The following JMJD1C variants were observed in gnomAD, a reference collection of about 807,000 sequenced individuals.
JMJD1C encodes the protein jumonji domain containing 1C, also known as jumonji domain-containing protein 1C.
Under a neutral mutation model 245.3 loss-of-function variants are expected in JMJD1C, and 31 were observed. That is an observed-to-expected ratio of 0.13 (90% CI 0.09 to 0.17). The LOEUF (loss-of-function observed/expected upper bound fraction) is 0.17, where lower values mean the gene tolerates loss of function less well. Among genes scored for constraint, JMJD1C ranks in the 10% least tolerant of loss-of-function variants. JMJD1C has a pLI of 1.00. For synonymous variants in JMJD1C, 1,057 were observed against 1,017.4 expected (o/e 1.04, Z -0.74); for missense variants, 2,691 against 3,000.2 (o/e 0.90, Z 2.41).
intron 2 of JMJD1C, among the ~76,000 whole-genome samples, chr10:63,377,978 T>C (rs6479898): frequency 0.14 from 20,248 of 148,102 alleles, 3,198 homozygotes; most frequent in African/African-American, 0.39. Context: ...TCAAAAATTA[T>C]ATATATTAGT....
intron 13 of JMJD1C, among the ~76,000 whole-genome samples, chr10:63,195,002 C>T (rs1410531286): frequency 2.6e-5 from 4 of 152,164 alleles, no homozygotes; most frequent in Non-Finnish European, 5.9e-5. Flanking sequence ...CAGACAGCTA[C>T]TTACGACGTG....
intron 2 of JMJD1C, among the ~76,000 whole-genome samples, chr10:63,315,093 A>G (rs1939791717): frequency 6.6e-6 from 1 of 151,812 alleles, no homozygotes; most frequent in African/African-American, 2.4e-5. Context: ...AGCTGGGATT[A>G]CAGGTGCGTG....
intron 1 of JMJD1C, among the ~76,000 whole-genome samples, chr10:63,507,409 T>C (rs1260561267): frequency 6.6e-6 from 1 of 151,938 alleles, no homozygotes; most frequent in African/African-American, 2.4e-5. Flanking sequence ...TTTGGGAGGC[T>C]GAGGCGGGGG....
intron 3 of JMJD1C, among the ~76,000 whole-genome samples, chr10:63,237,373 G>T (rs1362727175): frequency 6.6e-6 from 1 of 152,086 alleles, no homozygotes; most frequent in African/African-American, 2.4e-5. Context: ...AATATACAGT[G>T]CAATGAATGT....
At chr10:63,235,623 A>G (rs577145204) in intron 3 of JMJD1C, among the ~76,000 whole-genome samples, 3 of 152,256 alleles carry the variant, frequency 2.0e-5, no homozygotes, top group Non-Finnish European at 2.9e-5. Context: ...CTGTAAATTA[A>G]AAGATTTTTT....
intron 2 of JMJD1C, among the ~76,000 whole-genome samples, chr10:63,267,841 G>C (rs1855787753): frequency 6.6e-6 from 1 of 152,006 alleles, no homozygotes; most frequent in Admixed American, 6.6e-5. Flanking sequence ...TTCTAGTAGG[G>C]CCTACCAAAC....
chr10:63,380,411 A>T lies in JMJD1C; in HGVS notation c.240T>A (p.Thr80=). ...AGATTAAGTGGTATTCCACCAAGAA[A>T]GTTGAAAAATCTTCATAAACTTTAA... ...EWVKVYEDFS[T]FLVEYHLIWA... is the part of the protein sequence containing the mutation. The change falls in exon 2 of 26, where the codon ACT becomes ACA. Residue 80 remains threonine, a synonymous_variant. Transcript: ENST00000399262. The T allele has an allele frequency of 1.2e-6, 2 of 1,614,076 alleles. No individual in the cohort carries two copies. The highest frequency in any genetic ancestry group is 2.2e-5 in the East Asian group (1 of 44,876).
intron 2 of JMJD1C, among the ~76,000 whole-genome samples, chr10:63,321,209 T>G (rs1023723476): frequency 2.0e-5 from 3 of 152,262 alleles, no homozygotes; most frequent in African/African-American, 2.4e-5. Flanking sequence ...TAAAATATTC[T>G]TTGTAATAAA....
intron 1 of JMJD1C, among the ~76,000 whole-genome samples, chr10:63,396,645 A>C (rs1948507777): frequency 6.6e-6 from 1 of 152,178 alleles, no homozygotes; most frequent in Non-Finnish European, 1.5e-5. Context: ...GTCCCAGAAA[A>C]GTTTAGGATA....
At chr10:63,331,598 G>A (rs1194762818) in intron 2 of JMJD1C, among the ~76,000 whole-genome samples, 1 of 152,104 alleles carries the variant, frequency 6.6e-6, no homozygotes, top group Non-Finnish European at 1.5e-5. Flanking sequence ...GAATGTCAGA[G>A]AAGTTCAACA....
At position 63,213,918 on chromosome 10, in the gene JMJD1C, T is replaced by C; in HGVS notation, c.2249A>G (p.Asn750Ser). 1 of 1,614,098 alleles carries C rather than the reference T, an allele frequency of 6.2e-7. No homozygotes were observed. ...TAAGGCAGGATGATGGGTACCTGGA[T>C]TTAAACAGGTTCTATGAGATGAGGA... ...LHSSSHRTCL[N>S]PGTHHPALTP... Residue 750 changes from asparagine (N) to serine (S), a missense_variant, in exon 8 of 26, where the codon AAT becomes AGT. Physicochemically the swap from Asn to Ser is conservative, Grantham distance 46. This residue lies in a region of JMJD1C where 1,562 missense variants were observed against 1,490.7 expected (regional missense o/e 1.05). Transcript: ENST00000399262.
chr10:63,275,499 AG>A (rs1856694117), intron 2 of JMJD1C, among the ~76,000 whole-genome samples: 1 of 152,232 alleles, frequency 6.6e-6, no homozygotes, highest in South Asian at 2.1e-4. Flanking sequence ...TTCAACATAA[AG>A]GGTTTTTAAA....
At chr10:63,371,113 G>A (rs1037905527) in intron 2 of JMJD1C, among the ~76,000 whole-genome samples, 2 of 151,732 alleles carry the variant, frequency 1.3e-5, no homozygotes, top group South Asian at 4.2e-4. Flanking sequence ...GAGTAGCTGG[G>A]ACTACAAGGC....
intron 2 of JMJD1C, among the ~76,000 whole-genome samples, chr10:63,314,254 T>C (rs1368944203): frequency 7.9e-5 from 12 of 152,332 alleles, no homozygotes; most frequent in African/African-American, 2.4e-5. Flanking sequence ...AAAAGTTCCT[T>C]TAGAATCTTC....
At chr10:63,481,083 T>G (rs966324511) in intron 1 of JMJD1C, among the ~76,000 whole-genome samples, 3 of 152,246 alleles carry the variant, frequency 2.0e-5, no homozygotes, top group Non-Finnish European at 2.9e-5. Context: ...GACTGAATCC[T>G]CAAATGTTTT....
intron 1 of JMJD1C, 27 bp downstream of exon 1, chr10:63,465,468 G>T: frequency 1.3e-6 from 2 of 1,573,316 alleles, no homozygotes; most frequent in Non-Finnish European, 1.7e-6. Flanking sequence ...GCGCGGCAGG[G>T]GAAAAGGGGG....
chr10:63,307,457 A>C (rs1388470251), intron 2 of JMJD1C, among the ~76,000 whole-genome samples: 1 of 152,232 alleles, frequency 6.6e-6, no homozygotes, highest in Non-Finnish European at 1.5e-5. Context: ...AAACTACATC[A>C]GGAGAAATCT....
In JMJD1C at chr10:63,179,189, C is replaced by T. The variant is rs1326889540; in HGVS notation, c.7085-1333G>A. ...CTTTGGGAGGCCGAGGCAGGCGGAT[C>T]ACCTGAGGTCAGGAGTTCGAGACTA... is the stretch of plus-strand genomic sequence containing the variant. On this transcript the variant is annotated intron_variant, in intron 22 of 25. Transcript: ENST00000399262. Among the ~76,000 whole-genome samples the T allele has an allele frequency of 2.0e-5, 3 of 152,010 alleles. No homozygotes were observed. In the East Asian group the frequency reaches 5.8e-4, roughly 29 times the overall value.
At chr10:63,479,808 G>T (rs1271601210) in intron 1 of JMJD1C, among the ~76,000 whole-genome samples, 2 of 152,066 alleles carry the variant, frequency 1.3e-5, no homozygotes, top group African/African-American at 4.8e-5. Flanking sequence ...ATAATGTCTT[G>T]TTGTCCCACT....
Sources: gnomAD v4.1 joint callset for allele counts (sites outside exome capture counted in the v4.1 genomes callset) on GRCh38, gnomAD v4.1.1 for gene constraint, gnomAD v4.1.1 regional missense constraint, MANE v1.5 for transcripts, NCBI Gene and HGNC (gene_info 2026-07-23, HGNC 2026-07-21) for gene names.